The following LPCAT2 variants were observed in gnomAD, a reference collection of about 807,000 sequenced individuals.
LPCAT2 encodes the protein lysophosphatidylcholine acyltransferase 2, also known as 1-AGP acyltransferase 11.
A neutral mutation model predicts 64.7 loss-of-function variants in LPCAT2; 58 were observed. The ratio of observed to expected loss-of-function variants is 0.90; its 90% CI spans 0.73 to 1.12. The LOEUF is 1.12. LPCAT2 is among the 50% of genes most tolerant of loss of function. LPCAT2 has a pLI of 0.00. For synonymous variants in LPCAT2, 252 were observed against 245.3 expected, an observed-to-expected ratio of 1.03 and a Z score of -0.26; for missense variants, 579 against 669.8, an observed-to-expected ratio of 0.86 and a Z score of 1.50.
intron 11 of LPCAT2, among the ~76,000 whole-genome samples, chr16:55,569,370 C>G (rs1286822844): frequency 6.6e-6 from 1 of 152,166 alleles, no homozygotes; most frequent in East Asian, 1.9e-4. Flanking sequence ...CTGCCAGCAA[C>G]CACACATTAA....
At chr16:55,525,701 C>A in intron 2 of LPCAT2, 54 bp downstream of exon 2, 3 of 1,364,488 alleles carry the variant, frequency 2.2e-6, no homozygotes, top group Non-Finnish European at 3.0e-6. Flanking sequence ...TTAAGATATA[C>A]TAAATCAATA....
chr16:55,536,280 C>G (rs142067402), intron 7 of LPCAT2, among the ~76,000 whole-genome samples: 1 of 152,190 alleles, frequency 6.6e-6, no homozygotes, highest in African/African-American at 2.4e-5. Flanking sequence ...AGTTTTGTAT[C>G]AGACTAAGAA....
At chr16:55,550,917 TA>T in intron 10 of LPCAT2, 31 bp from the exon 11 acceptor site, 1 of 1,511,678 alleles carries the variant, frequency 6.6e-7, no homozygotes. Flanking sequence ...AAAGGGCTAA[TA>T]ACATGTATCT....
At chr16:55,520,458 A>C (rs1466689337) in intron 1 of LPCAT2, among the ~76,000 whole-genome samples, 1 of 152,062 alleles carries the variant, frequency 6.6e-6, no homozygotes, top group Non-Finnish European at 1.5e-5. Flanking sequence ...GGTAATTGAC[A>C]GAACAATCAA....
At chr16:55,526,325 C>T (rs1479838069) in intron 2 of LPCAT2, among the ~76,000 whole-genome samples, 1 of 152,022 alleles carries the variant, frequency 6.6e-6, no homozygotes, top group African/African-American at 2.4e-5. Flanking sequence ...ATCTGTATGC[C>T]TTAAAAGTGC....
Position 55,528,599 on chromosome 16 carries a change from G to A in LPCAT2, c.529+5G>A, listed in dbSNP as rs1346497933. The A allele has an allele frequency of 6.3e-7, 1 of 1,593,654 alleles. No individual in the cohort carries two copies. The highest frequency in any genetic ancestry group is 1.3e-5 in the African/African-American group (1 of 74,534). On this transcript the variant is annotated splice_donor_5th_base_variant and intron_variant, in intron 3 of 13. Coordinates refer to ENST00000262134, the MANE Select transcript of LPCAT2 (RefSeq NM_017839.5). ...CACAAGTCCCTCTGATTGGCAGTAA[G>A]TACTTGTAAGGTAACGTAGATAAAA...
chr16:55,567,498 T>C, intron 11 of LPCAT2: 2 of 1,612,226 alleles, frequency 1.2e-6, no homozygotes, highest in Non-Finnish European at 1.7e-6. Flanking sequence ...GACCATGTAT[T>C]CCTGAAGTGG....
intron 7 of LPCAT2, among the ~76,000 whole-genome samples, chr16:55,536,409 T>A (rs1051382451): frequency 2.0e-5 from 3 of 152,178 alleles, no homozygotes; most frequent in Non-Finnish European, 4.4e-5. Flanking sequence ...AGTAATTGAA[T>A]TCCACAGCTC....
intron 11 of LPCAT2, among the ~76,000 whole-genome samples, chr16:55,558,093 A>G (rs1963597309): frequency 6.6e-6 from 1 of 152,206 alleles, no homozygotes; most frequent in African/African-American, 2.4e-5. Context: ...TCTGCTTCAC[A>G]GTTTCATTGG....
chr16:55,521,567 A>G (rs1963096277), intron 1 of LPCAT2, among the ~76,000 whole-genome samples: 1 of 151,746 alleles, frequency 6.6e-6, no homozygotes, highest in Non-Finnish European at 1.5e-5. Context: ...TCATAGCTAA[A>G]AGAACTCTTA....
intron 8 of LPCAT2, among the ~76,000 whole-genome samples, chr16:55,543,944 A>T (rs1467661471): frequency 6.6e-6 from 1 of 152,224 alleles, no homozygotes; most frequent in Non-Finnish European, 1.5e-5. Context: ...GTAGCACATT[A>T]TTCTATAATT....
At chr16:55,535,848 G>A (rs1244940374) in intron 7 of LPCAT2, among the ~76,000 whole-genome samples, 1 of 152,118 alleles carries the variant, frequency 6.6e-6, no homozygotes, top group Non-Finnish European at 1.5e-5. Context: ...TTAATGTGAT[G>A]ATCAAATAGG....
chr16:55,530,506 C>T (rs1167886368), intron 4 of LPCAT2, among the ~76,000 whole-genome samples: 1 of 151,634 alleles, frequency 6.6e-6, no homozygotes, highest in Admixed American at 6.6e-5. Context: ...GGGGGGGTAA[C>T]ATTTACTGCA....
rs142360377 is a variant in LPCAT2 at position 55,547,415 on chromosome 16, G to A, written c.935+1598G>A. ...TTTCTCATGGTTTTGATTATTAGGA[G>A]ACTCAAGTAGGAAAGTATATGATAA... On this transcript the variant is annotated intron_variant, in intron 9 of 13. Transcript: ENST00000262134. Among the ~76,000 whole-genome samples, 1,350 of 152,268 alleles carry A rather than the reference G, an allele frequency of 8.9e-3. 15 individuals are homozygous for A. The highest frequency in any genetic ancestry group is 0.03 in the African/African-American group (1,249 of 41,550).
At chr16:55,515,715 C>A (rs987483673) in intron 1 of LPCAT2, among the ~76,000 whole-genome samples, 3 of 152,016 alleles carry the variant, frequency 2.0e-5, no homozygotes, top group African/African-American at 7.3e-5. Flanking sequence ...ATAATAATAG[C>A]AAATAGGAGA....
chr16:55,525,532 C>T lies in LPCAT2; in HGVS notation c.196C>T (p.Leu66Phe), dbSNP rs2142397306. 5 of 1,608,390 alleles carry T rather than the reference C, an allele frequency of 3.1e-6. No individual in the cohort carries two copies. In the East Asian group the frequency reaches 1.1e-4, roughly 36 times the overall value. ...GATTGTCCTTCTTGGGATTATCTTG[C>T]TTCCAATTCGTGTCTTATTGGTTGC... ...VQIVLLGIIL[L>F]PIRVLLVALI... Residue 66 changes from leucine (L) to phenylalanine (F), a missense_variant, in exon 2 of 14, where the codon CTT (leucine) becomes TTT (phenylalanine). Physicochemically the swap from Leu to Phe is conservative, Grantham distance 22. Transcript: ENST00000262134.
At chr16:55,566,058 CTG>C (rs1309706088) in intron 11 of LPCAT2, among the ~76,000 whole-genome samples, 4 of 152,076 alleles carry the variant, frequency 2.6e-5, no homozygotes, top group African/African-American at 9.7e-5. Context: ...TGTGTGCAGT[CTG>C]TGAAATTCTT....
At chr16:55,574,329 CT>C (rs1963803108) in intron 11 of LPCAT2, among the ~76,000 whole-genome samples, 1 of 152,156 alleles carries the variant, frequency 6.6e-6, no homozygotes, top group Admixed American at 6.6e-5. Context: ...TAGGTCCTGC[CT>C]CCCAGAGGGG....
At chr16:55,567,142 C>T (rs750104707) in intron 11 of LPCAT2, 3 of 1,613,898 alleles carry the variant, frequency 1.9e-6, no homozygotes, top group Non-Finnish European at 2.5e-6. Flanking sequence ...AGCATTGTGT[C>T]TGTCATGGAC....
Sources: gnomAD v4.1 joint callset for allele counts (sites outside exome capture counted in the v4.1 genomes callset) on GRCh38, gnomAD v4.1.1 for gene constraint, MANE v1.5 for transcripts, NCBI Gene and HGNC (gene_info 2026-07-23, HGNC 2026-07-21) for gene names.